The following ABCG2 variants were observed in gnomAD, a reference collection of about 807,000 sequenced individuals.
ABCG2 encodes ATP binding cassette subfamily G member 2 (JR blood group), also known as broad substrate specificity ATP-binding cassette transporter ABCG2.
In ABCG2, 80 loss-of-function variants were observed where a neutral mutation model predicts 73.5. The ratio of observed to expected loss-of-function variants is 1.09; its 90% CI spans 0.91 to 1.31. The LOEUF (loss-of-function observed/expected upper bound fraction) is 1.31, where lower values mean the gene tolerates loss of function less well. ABCG2 is among the 50% of genes most tolerant of loss of function. The probability of loss-of-function intolerance (pLI) is 0.00; values close to 1 mark genes in which losing one functional copy is unlikely to be tolerated. For missense variants in ABCG2, 796 were observed against 786.2 expected, an observed-to-expected ratio of 1.01 and a Z score of -0.15; for synonymous variants, 269 against 282.4, an observed-to-expected ratio of 0.95 and a Z score of 0.48.
In ABCG2 at chr4:88,222,749, GAGA is replaced by G. The variant is rs534776094; in HGVS notation, c.-20+8242_-20+8244del. Among the ~76,000 whole-genome samples, 60 of 152,338 alleles carry G rather than the reference GAGA, an allele frequency of 3.9e-4. No homozygotes were observed. In the East Asian group the frequency reaches 0.011, roughly 28 times the overall value. ...GTGGGGCACCGCCTAGTGGAGCTAT[GAGA>G]AGTAGGCCACCATCCTCCAGACCCC... is the stretch of plus-strand genomic sequence containing the variant. On this transcript the variant is annotated intron_variant, in intron 1 of 15. Transcript: ENST00000515655.
intron 2 of ABCG2, among the ~76,000 whole-genome samples, chr4:88,138,686 A>C (rs1163780227): frequency 6.6e-6 from 1 of 152,194 alleles, no homozygotes; most frequent in Non-Finnish European, 1.5e-5. Context: ...TGGATACTTA[A>C]ACAGGAAATG....
rs1296587335 is a variant in ABCG2, at chr4:88,091,815, T to TA, written c.*418dup. 6.4e-6 allele frequency: 1 copy of TA among 156,246 alleles called. No individual in the cohort carries two copies. The highest frequency in any genetic ancestry group is 1.4e-5 in the Non-Finnish European group (1 of 70,572). 9.7% of individuals were successfully genotyped at this position (156,246 alleles called of 1,614,324 possible). On this transcript the variant is annotated 3_prime_UTR_variant, in exon 16 of 16. Transcript: ENST00000237612. ...TTTTACATTTCCAGTATAGCATTAA[T>TA]ACATTTGTCATTTATTAAATAATGG...
chr4:88,153,538 G>C (rs1446439522), intron 1 of ABCG2, among the ~76,000 whole-genome samples: 1 of 140,510 alleles, frequency 7.1e-6, no homozygotes, highest in Non-Finnish European at 1.6e-5. Flanking sequence ...TGAAGATTGA[G>C]GATGGTAAGG....
At chr4:88,152,341 G>C (rs1246240015) in intron 1 of ABCG2, among the ~76,000 whole-genome samples, 2 of 152,224 alleles carry the variant, frequency 1.3e-5, no homozygotes, top group African/African-American at 2.4e-5. Flanking sequence ...TCGCGTCCGT[G>C]TGAAGAGACC....
At chr4:88,220,656 T>G (rs1443094518) in intron 1 of ABCG2, 1 of 152,522 alleles carries the variant, frequency 6.6e-6, no homozygotes, top group Non-Finnish European at 1.5e-5. Context: ...ACCAGTGATA[T>G]GGTTTGGCTA....
At chr4:88,140,632 G>T (rs532553034) in intron 1 of ABCG2, among the ~76,000 whole-genome samples, 6 of 151,740 alleles carry the variant, frequency 4.0e-5, no homozygotes, top group Admixed American at 3.9e-4. Context: ...AAAAACAAAG[G>T]GAAAAAAAAG....
At chr4:88,206,889 G>C (rs1483108942) in intron 1 of ABCG2, among the ~76,000 whole-genome samples, 1 of 152,120 alleles carries the variant, frequency 6.6e-6, no homozygotes, top group East Asian at 1.9e-4. Flanking sequence ...TTAGCTAACA[G>C]AAAAGTTCCC....
At chr4:88,154,394 GT>G (rs1264147544) in intron 1 of ABCG2, among the ~76,000 whole-genome samples, 5 of 152,336 alleles carry the variant, frequency 3.3e-5, no homozygotes, top group Admixed American at 3.3e-4. Flanking sequence ...CATATTTAGA[GT>G]CAGTATAAAT....
intron 7 of ABCG2, among the ~76,000 whole-genome samples, chr4:88,115,805 C>T (rs765348397): frequency 1.3e-5 from 2 of 152,036 alleles, no homozygotes; most frequent in Non-Finnish European, 2.9e-5. Context: ...GAAAAAAATC[C>T]AAAAGCCCAG....
intron 1 of ABCG2, among the ~76,000 whole-genome samples, chr4:88,142,089 GA>G (rs5860120): frequency 0.32 from 49,216 of 151,476 alleles, 8,703 homozygotes; most frequent in African/African-American, 0.45. Context: ...ATGAAAGGGG[GA>G]AAAAATCTCC....
chr4:88,230,340 TATA>T (rs1560470504), intron 1 of ABCG2, among the ~76,000 whole-genome samples: 3 of 136,766 alleles, frequency 2.2e-5, no homozygotes, highest in African/African-American at 8.8e-5. Context: ...TATATATATA[TATA>T]TATTTTTTGA....
At chr4:88,177,540 A>C (rs1044303767) in intron 1 of ABCG2, among the ~76,000 whole-genome samples, 1 of 152,172 alleles carries the variant, frequency 6.6e-6, no homozygotes, top group African/African-American at 2.4e-5. Flanking sequence ...GCCTCCATCA[A>C]TTGTCCTCCC....
At chr4:88,128,630 A>G (rs1357090630) in intron 5 of ABCG2, among the ~76,000 whole-genome samples, 1 of 152,214 alleles carries the variant, frequency 6.6e-6, no homozygotes, top group East Asian at 1.9e-4. Flanking sequence ...AGGGACATGG[A>G]TGAAGCTGGA....
chr4:88,206,743 T>C (rs374589105), intron 1 of ABCG2, among the ~76,000 whole-genome samples: 1 of 152,236 alleles, frequency 6.6e-6, no homozygotes, highest in African/African-American at 2.4e-5. Context: ...ACTACCACTC[T>C]AGCCCACAGT....
intron 5 of ABCG2, among the ~76,000 whole-genome samples, chr4:88,122,250 C>T (rs1404606369): frequency 2.0e-5 from 3 of 152,166 alleles, no homozygotes; most frequent in Non-Finnish European, 4.4e-5. Flanking sequence ...TTTGGGCAGA[C>T]ACTGAGACAG....
intron 1 of ABCG2, among the ~76,000 whole-genome samples, chr4:88,155,881 C>T (rs1306269434): frequency 6.6e-6 from 1 of 151,950 alleles, no homozygotes; most frequent in African/African-American, 2.4e-5. Flanking sequence ...TGCACTCTGG[C>T]CTGGAGCAAG....
chr4:88,130,339 A>C (rs1393841340), intron 5 of ABCG2, among the ~76,000 whole-genome samples: 2 of 151,804 alleles, frequency 1.3e-5, no homozygotes, highest in Non-Finnish European at 2.9e-5. Context: ...GTTCCTTATG[A>C]GAATCTAATG....
chr4:88,170,972 C>A (rs1231060733), intron 1 of ABCG2, among the ~76,000 whole-genome samples: 1 of 152,148 alleles, frequency 6.6e-6, no homozygotes, highest in African/African-American at 2.4e-5. Context: ...CTTACAGGAA[C>A]ACGGATGGAG....
intron 1 of ABCG2, chr4:88,201,836 G>A (rs532038342): frequency 6.6e-6 from 1 of 152,258 alleles, no homozygotes; most frequent in East Asian, 1.9e-4. Context: ...TAAAAATGCA[G>A]AATCTTGTGC....
Sources: gnomAD v4.1 joint callset for allele counts (sites outside exome capture counted in the v4.1 genomes callset) on GRCh38, gnomAD v4.1.1 for gene constraint, MANE v1.5 for transcripts, NCBI Gene and HGNC (gene_info 2026-07-23, HGNC 2026-07-21) for gene names.